AGBL1: variants seen among roughly 807,000 people sequenced by gnomAD.
The protein encoded by AGBL1 is cytosolic carboxypeptidase 4.
AGBL1 carries 130 observed loss-of-function variants against 118.9 expected under a neutral mutation model. The ratio of observed to expected loss-of-function variants is 1.09; its 90% confidence interval spans 0.95 to 1.26. The LOEUF (loss-of-function observed/expected upper bound fraction) is 1.26, where lower values mean the gene tolerates loss of function less well. AGBL1 is among the 50% of genes most tolerant of loss of function. The pLI, the probability that AGBL1 is intolerant of heterozygous loss-of-function variation, is 0.00. For synonymous variants in AGBL1, 555 were observed against 478.9 expected, an observed-to-expected ratio of 1.16 and a Z score of -2.08; for missense variants, 1,584 against 1,298.1, an observed-to-expected ratio of 1.22 and a Z score of -3.38.
intron 1 of AGBL1, among the ~76,000 whole-genome samples, chr15:86,123,961 T>A (rs985296964): frequency 6.6e-6 from 1 of 152,078 alleles, no homozygotes; most frequent in Non-Finnish European, 1.5e-5. Context: ...ACATGGTAAC[T>A]GGGTGGGATA....
At chr15:86,448,357 G>A (rs189204256) in intron 18 of AGBL1, among the ~76,000 whole-genome samples, 5 of 152,128 alleles carry the variant, frequency 3.3e-5, no homozygotes, top group South Asian at 2.1e-4. Context: ...AAGATAAGAC[G>A]TCGATTATCT....
intron 17 of AGBL1, among the ~76,000 whole-genome samples, chr15:86,328,311 A>T (rs1454903002): frequency 6.6e-6 from 1 of 152,238 alleles, no homozygotes; most frequent in Non-Finnish European, 1.5e-5. Context: ...AGTGAGAGAA[A>T]TGGAGAGAGA....
chr15:86,742,123 T>G (rs1338778249), intron 22 of AGBL1, among the ~76,000 whole-genome samples: 2 of 152,152 alleles, frequency 1.3e-5, no homozygotes, highest in Non-Finnish European at 2.9e-5. Context: ...GAGCCATCTA[T>G]ACTCACTGAT....
rs1048964706 is a variant in AGBL1, at chr15:86,660,882, G to A, written c.2995-13391G>A. 3.3e-5 allele frequency among the ~76,000 whole-genome samples: 5 copies of A among 152,104 alleles called. No individual in the cohort carries two copies. The South Asian group carries it at 1.0e-3, about 32-fold the overall frequency. The stretch of plus-strand genomic sequence containing the variant: ...CTCCTTCTCCAAAGTATTCAGTCAA[G>A]CAAAACTTGAAGGAAAATAATAATA... On this transcript the variant is annotated intron_variant, in intron 21 of 22. Transcript: ENST00000614907.
intron 21 of AGBL1, among the ~76,000 whole-genome samples, chr15:86,619,570 T>G (rs138302210): frequency 8.5e-4 from 129 of 152,232 alleles, no homozygotes; most frequent in African/African-American, 8.7e-4. Flanking sequence ...AAGAGGTAAT[T>G]AGACGCTGCT....
chr15:86,189,689 A>G (rs901051038), intron 5 of AGBL1, among the ~76,000 whole-genome samples: 5 of 152,142 alleles, frequency 3.3e-5, no homozygotes, highest in Admixed American at 2.0e-4. Context: ...CACCTCTGCC[A>G]TGAGAGGAAG....
intron 22 of AGBL1, among the ~76,000 whole-genome samples, chr15:86,758,518 T>C (rs566249270): frequency 5.9e-5 from 9 of 152,266 alleles, no homozygotes; most frequent in Middle Eastern, 3.4e-3. Context: ...AGGCCAAGTC[T>C]GCTTTTGCAA....
chr15:86,645,898 T>C (rs2085270480), intron 21 of AGBL1, among the ~76,000 whole-genome samples: 1 of 152,136 alleles, frequency 6.6e-6, no homozygotes, highest in South Asian at 2.1e-4. Flanking sequence ...AAGTTCAAAA[T>C]CAAAAACCAA....
At chr15:86,903,376 T>C (rs74655636) in intron 22 of AGBL1, among the ~76,000 whole-genome samples, 9,112 of 152,244 alleles carry the variant, frequency 0.06, 320 homozygotes, top group African/African-American at 0.086. Context: ...CCTACCTTTT[T>C]TTCTGGGATG....
intron 17 of AGBL1, among the ~76,000 whole-genome samples, chr15:86,318,696 A>ATTTTTTTTTTTTTTTTTTTTTTTTTTTTT (rs57988335): frequency 1.2e-5 from 1 of 81,950 alleles, no homozygotes; most frequent in African/African-American, 4.9e-5. Context: ...TTGATCATAG[A>ATTTTTTTTTTTTTTTTTTTTTTTTTTTTT]TTTTTTTTTT....
At chr15:86,852,507 C>T (rs917704551) in intron 22 of AGBL1, among the ~76,000 whole-genome samples, 3 of 152,190 alleles carry the variant, frequency 2.0e-5, no homozygotes, top group Non-Finnish European at 2.9e-5. Flanking sequence ...CTATTCTGAT[C>T]CACCTGCAAG....
intron 22 of AGBL1, among the ~76,000 whole-genome samples, chr15:86,854,808 G>A (rs192012658): frequency 6.6e-6 from 1 of 152,234 alleles, no homozygotes. Flanking sequence ...GAAATTCTCA[G>A]ACTTTCCGCC....
chr15:86,560,967 G>A (rs1370347172), intron 21 of AGBL1, among the ~76,000 whole-genome samples: 2 of 152,144 alleles, frequency 1.3e-5, no homozygotes, highest in African/African-American at 2.4e-5. Flanking sequence ...CATATCATTT[G>A]CCCACTTTTT....
At chr15:86,352,626 T>C (rs2080645628) in intron 17 of AGBL1, among the ~76,000 whole-genome samples, 1 of 152,066 alleles carries the variant, frequency 6.6e-6, no homozygotes, top group Non-Finnish European at 1.5e-5. Context: ...GGATTACAAG[T>C]GTGCACTACT....
rs1380583848 is a variant in AGBL1, at chr15:86,247,890, T to C, written c.735+11T>C. On this transcript the variant is annotated intron_variant, in intron 7 of 22. Transcript: ENST00000614907. ...TTCAGCACCACACAGGCAGGCAGCA[T>C]GGGGATTCACTCTGCAGCTGGAGGC... The C allele has an allele frequency of 6.2e-7, 1 of 1,613,604 alleles. No homozygotes were observed. Among genetic ancestry groups the C allele is most frequent in the South Asian group, 1.1e-5 (1 of 91,078 alleles).
chr15:87,009,650 C>T (rs962289514), intron 24 of AGBL1, among the ~76,000 whole-genome samples: 5 of 152,186 alleles, frequency 3.3e-5, no homozygotes, highest in African/African-American at 1.2e-4. Flanking sequence ...TCAATGCCAG[C>T]CCACAAAAGC....
chr15:86,382,945 C>T (rs919592), intron 17 of AGBL1, among the ~76,000 whole-genome samples: 44,475 of 151,896 alleles, frequency 0.29, 7,221 homozygotes, highest in East Asian at 0.74. Flanking sequence ...TAAAACAATC[C>T]ACCTCTCAAA....
At chr15:86,751,501 T>C (rs967039335) in intron 22 of AGBL1, among the ~76,000 whole-genome samples, 1 of 152,110 alleles carries the variant, frequency 6.6e-6, no homozygotes, top group Non-Finnish European at 1.5e-5. Flanking sequence ...CCAAAAGCAA[T>C]GTCAACAAAA....
chr15:86,274,362 G>A (rs1567171649), intron 15 of AGBL1, among the ~76,000 whole-genome samples: 1 of 151,808 alleles, frequency 6.6e-6, no homozygotes, highest in Admixed American at 6.6e-5. Context: ...TTAAGGGTAG[G>A]GGTAGGCTAT....
Sources: gnomAD v4.1 joint callset for allele counts (sites outside exome capture counted in the v4.1 genomes callset) on GRCh38, gnomAD v4.1.1 for gene constraint, MANE v1.5 for transcripts, NCBI Gene and HGNC (gene_info 2026-07-23, HGNC 2026-07-21) for gene names.